The following OPRM1 variants were observed in gnomAD, a reference collection of about 807,000 sequenced individuals.
The protein encoded by OPRM1 is opioid receptor mu 1, also known as mu-type opioid receptor.
A neutral mutation model predicts 31.8 loss-of-function variants in OPRM1; 27 were observed. The ratio of observed to expected loss-of-function variants is 0.85; its 90% confidence interval spans 0.63 to 1.17. The LOEUF (loss-of-function observed/expected upper bound fraction) is 1.17. Ranked by LOEUF, OPRM1 falls within the 50% of genes most tolerant of loss-of-function variation. The pLI, the probability that OPRM1 is intolerant of heterozygous loss-of-function variation, is 0.00. For synonymous variants in OPRM1, 196 were observed against 189.9 expected (o/e 1.03, Z -0.26); for missense variants, 536 against 511.1 (o/e 1.05, Z -0.47).
At chr6:154,244,297 G>GGGGTGTGTGTGT (rs1307383951) in intron 3 of OPRM1, among the ~76,000 whole-genome samples, 5 of 76,802 alleles carry the variant, frequency 6.5e-5, no homozygotes, top group African/African-American at 2.9e-4. Flanking sequence ...TGTGTGTGTG[G>GGGGTGTGTGTGT]GTGGGTGTGT....
chr6:154,053,120 G>A (rs771272301), intron 1 of OPRM1, among the ~76,000 whole-genome samples: 4 of 152,178 alleles, frequency 2.6e-5, no homozygotes, highest in Non-Finnish European at 5.9e-5. Context: ...AGGAGTAAGT[G>A]CTTAGAAAAT....
chr6:154,151,844 T>C (rs918506379), intron 3 of OPRM1, among the ~76,000 whole-genome samples: 1 of 152,010 alleles, frequency 6.6e-6, no homozygotes, highest in Non-Finnish European at 1.5e-5. Flanking sequence ...AGGAATTAGC[T>C]ATAAATCCAG....
chr6:154,184,273 A>C (rs1801146311), intron 3 of OPRM1, among the ~76,000 whole-genome samples: 1 of 152,130 alleles, frequency 6.6e-6, no homozygotes, highest in African/African-American at 2.4e-5. Context: ...TAGAATGTTT[A>C]CTGTAACACT....
At chr6:154,200,664 C>A (rs796899) in intron 3 of OPRM1, among the ~76,000 whole-genome samples, 1 of 151,948 alleles carries the variant, frequency 6.6e-6, no homozygotes, top group Non-Finnish European at 1.5e-5. Context: ...GAGATTGCAG[C>A]GAGCTAAGAT....
chr6:154,151,567 A>G (rs1237279576), intron 3 of OPRM1, among the ~76,000 whole-genome samples: 1 of 152,038 alleles, frequency 6.6e-6, no homozygotes, highest in Non-Finnish European at 1.5e-5. Flanking sequence ...TTGCTGCAAA[A>G]ACTCATAGCC....
At chr6:154,158,507 G>A (rs958838991) in intron 3 of OPRM1, 2 of 152,168 alleles carry the variant, frequency 1.3e-5, no homozygotes, top group Non-Finnish European at 2.9e-5. Flanking sequence ...GATAATCTAA[G>A]ATGAAAGTCC....
intron 1 of OPRM1, among the ~76,000 whole-genome samples, chr6:154,051,382 C>T (rs561144862): frequency 6.6e-6 from 1 of 152,252 alleles, no homozygotes; most frequent in East Asian, 1.9e-4. Flanking sequence ...AAAGTAAAAT[C>T]CTATTTTATA....
Position 154,122,901 on chromosome 6 carries a change from A to G in OPRM1, c.*4180A>G, listed in dbSNP as rs1797379105. On this transcript the variant is annotated 3_prime_UTR_variant, in exon 4 of 4. Coordinates refer to ENST00000330432, the MANE Select transcript of OPRM1 (RefSeq NM_000914.5). Reference sequence around the variant, plus strand: ...TCATGCAAGAAAGAATTCAGGAGTAAAGTGAAAGTGAAATGGGTCAGGATC... The same window carrying G: ...TCATGCAAGAAAGAATTCAGGAGTAGAGTGAAAGTGAAATGGGTCAGGATC... Among the ~76,000 whole-genome samples the G allele has an allele frequency of 6.6e-6, 1 of 152,162 alleles. No individual in the cohort carries two copies. The highest frequency in any genetic ancestry group is 1.5e-5 in the Non-Finnish European group (1 of 68,018).
At chr6:154,175,149 A>G (rs1800206209) in intron 3 of OPRM1, among the ~76,000 whole-genome samples, 2 of 152,222 alleles carry the variant, frequency 1.3e-5, no homozygotes, top group Admixed American at 1.3e-4. Context: ...AACGTACCAG[A>G]AGCTCTGGGA....
chr6:154,046,258 C>T (rs945267611), intron 1 of OPRM1, among the ~76,000 whole-genome samples: 2 of 152,160 alleles, frequency 1.3e-5, no homozygotes, highest in Admixed American at 1.3e-4. Flanking sequence ...CATTTTTGTT[C>T]CTGCCTTGGG....
chr6:154,192,327 TGTGTGTGTG>T (rs1801971357), intron 3 of OPRM1, among the ~76,000 whole-genome samples: 3 of 142,328 alleles, frequency 2.1e-5, no homozygotes, highest in Admixed American at 2.0e-4. Context: ...ACTGTGTGTG[TGTGTGTGTG>T]TGTGTGTGTG....
intron 1 of OPRM1, among the ~76,000 whole-genome samples, chr6:154,042,472 A>C (rs1236300157): frequency 6.6e-6 from 1 of 152,232 alleles, no homozygotes; most frequent in Non-Finnish European, 1.5e-5. Flanking sequence ...TTTTCTGATT[A>C]TATTAAGGTA....
At chr6:154,083,880 C>T (rs891201681) in intron 1 of OPRM1, among the ~76,000 whole-genome samples, 1 of 135,522 alleles carries the variant, frequency 7.4e-6, no homozygotes, top group African/African-American at 2.8e-5. Flanking sequence ...GGAGGCGGAG[C>T]TTGCAGTGAG....
chr6:154,025,321 T>C (rs1778633624), intron 1 of OPRM1, among the ~76,000 whole-genome samples: 1 of 152,116 alleles, frequency 6.6e-6, no homozygotes, highest in Non-Finnish European at 1.5e-5. Context: ...CTATTTTGTC[T>C]GATACAAGTA....
chr6:154,152,390 A>AAGAAAGAG (rs1360734115), intron 3 of OPRM1, among the ~76,000 whole-genome samples: 18 of 126,292 alleles, frequency 1.4e-4, no homozygotes, highest in African/African-American at 3.1e-4. Context: ...GAAAGAAAGA[A>AAGAAAGAG]AGAGAAATAG....
intron 1 of OPRM1, among the ~76,000 whole-genome samples, chr6:154,041,502 C>T (rs529499618): frequency 4.6e-5 from 7 of 152,192 alleles, no homozygotes; most frequent in African/African-American, 1.7e-4. Flanking sequence ...ATAAACTAAT[C>T]AAGCTAGAAG....
chr6:154,093,232 T>C, intron 3 of OPRM1: 1 of 1,555,618 alleles, frequency 6.4e-7, no homozygotes, highest in East Asian at 2.3e-5. Flanking sequence ...TGGAGCAAAA[T>C]AATGGCCATT....
At chr6:154,174,008 G>A (rs955913494) in intron 3 of OPRM1, among the ~76,000 whole-genome samples, 8 of 152,098 alleles carry the variant, frequency 5.3e-5, no homozygotes, top group African/African-American at 1.9e-4. Context: ...AGAGAGTGGG[G>A]GCCAATATTC....
intron 3 of OPRM1, among the ~76,000 whole-genome samples, chr6:154,153,224 G>A (rs374431374): frequency 2.0e-5 from 3 of 152,222 alleles, no homozygotes; most frequent in East Asian, 1.9e-4. Context: ...CGGGGACTCA[G>A]CAGGATATTT....
Sources: gnomAD v4.1 joint callset for allele counts (sites outside exome capture counted in the v4.1 genomes callset) on GRCh38, gnomAD v4.1.1 for gene constraint, MANE v1.5 for transcripts, NCBI Gene and HGNC (gene_info 2026-07-23, HGNC 2026-07-21) for gene names.